LCN10: variants seen among roughly 807,000 people sequenced by gnomAD.
The protein encoded by LCN10 is lipocalin 10, also known as epididymal-specific lipocalin-10.
A neutral mutation model predicts 25.1 loss-of-function variants in LCN10; 18 were observed. The observed-to-expected ratio is 0.72, with a 90% CI of 0.50 to 1.06. The LOEUF (loss-of-function observed/expected upper bound fraction) is 1.06, where lower values mean the gene tolerates loss of function less well. LCN10 is among the 50% of genes least tolerant of loss of function. LCN10 has a pLI of 0.00. For missense variants in LCN10, 257 were observed against 258.9 expected, an observed-to-expected ratio of 0.99 and a Z score of 0.05; for synonymous variants, 130 against 116.7, an observed-to-expected ratio of 1.11 and a Z score of -0.73.
chr9:136,739,819 A>C lies in LCN10; in HGVS notation c.574+131T>G. On this transcript the variant is annotated intron_variant, in intron 5 of 5. Coordinates refer to ENST00000497771, the MANE Select transcript of LCN10 (RefSeq NM_001001712.3). This position sits in a 1 kb window ranked among gnomAD's most constrained non-coding sequence, Gnocchi z 6.1. ...TCAGGGGCGGCAGGAGGTGGGAGGC[A>C]CGTTTGGGCGGATCTTTCAAATGGC... is the stretch of plus-strand genomic sequence containing the variant. 2.3e-6 allele frequency: 2 copies of C among 882,968 alleles called. No individual in the cohort carries two copies. The highest frequency in any genetic ancestry group is 3.7e-6 in the Non-Finnish European group (2 of 544,138). 54.7% of individuals were successfully genotyped at this position (882,968 alleles called of 1,614,324 possible).
rs552859925 is a variant in LCN10 at position 136,738,920 on chromosome 9, T to C, written c.*605A>G. Reference sequence around the variant, plus strand: ...GCTGTTGTGGGGCCCTGGCCGCGCCTAGATACACTTCTAGGGTCTATACTC... The same window carrying C: ...GCTGTTGTGGGGCCCTGGCCGCGCCCAGATACACTTCTAGGGTCTATACTC... On this transcript the variant is annotated 3_prime_UTR_variant, in exon 6 of 6. Coordinates refer to ENST00000497771, the MANE Select transcript of LCN10 (RefSeq NM_001001712.3). The C allele has an allele frequency of 6.5e-6, 1 of 153,676 alleles. No homozygotes were observed. The highest frequency in any genetic ancestry group is 6.4e-5 in the Admixed American group (1 of 15,542). The allele number at this position is 153,676 out of a possible 1,614,324, so 9.5% of individuals were successfully genotyped here. A position where few individuals can be genotyped will look rare whatever the true frequency, so the allele number is the denominator to read the frequency against.
rs557138647 is a variant in LCN10, at chr9:136,738,574, A to G, written c.*951T>C. ...TTCAGTTGGGGGGTTCATCTCAGAC[A>G]ACCTCCCGTCATCACCCCTTGAGTG... On this transcript the variant is annotated 3_prime_UTR_variant, in exon 6 of 6. Coordinates refer to ENST00000497771, the MANE Select transcript of LCN10 (RefSeq NM_001001712.3). 2.6e-5 allele frequency: 4 copies of G among 152,148 alleles called. No individual in the cohort carries two copies. Among genetic ancestry groups the G allele is most frequent in the African/African-American group, 9.6e-5 (4 of 41,484 alleles). 9.4% of individuals were successfully genotyped at this position (152,148 alleles called of 1,614,324 possible).
Position 136,740,880 on chromosome 9 carries a change from C to A in LCN10, c.431G>T (p.Arg144Leu), listed in dbSNP as rs116837130. Residue 144 changes from arginine (R) to leucine (L), a missense_variant, in exon 4 of 6, where the codon CGC (arginine) becomes CTC (leucine). Coordinates refer to ENST00000497771, the MANE Select transcript of LCN10 (RefSeq NM_001001712.3). The surrounding 1 kb of genome is among the most constrained non-coding windows in gnomAD (Gnocchi z 5.3). The stretch of plus-strand genomic sequence containing the variant: ...GTAGTTTTGGGTTGCACGCCCCAGG[C>A]GGAGGTAGACCAAGCCGTAGCTGTA... Reference protein sequence around the residue: ...TDYSYGLVYLRLGRATQNYKN... With the variant: ...TDYSYGLVYLLLGRATQNYKN... The A allele has an allele frequency of 6.2e-7, 1 of 1,613,542 alleles. No homozygotes were observed. Among genetic ancestry groups the A allele is most frequent in the Non-Finnish European group, 8.5e-7 (1 of 1,179,836 alleles).
rs1564321056 is a variant in LCN10 at position 136,739,651 on chromosome 9, T to C, written c.575-98A>G. 6.0e-6 allele frequency: 7 copies of C among 1,172,888 alleles called. No homozygotes were observed. In the East Asian group the frequency reaches 1.8e-4, roughly 30 times the overall value. 72.7% of individuals were successfully genotyped at this position (1,172,888 alleles called of 1,614,324 possible). On this transcript the variant is annotated intron_variant, in intron 5 of 5. Coordinates refer to ENST00000497771, the MANE Select transcript of LCN10 (RefSeq NM_001001712.3). The surrounding 1 kb of genome is among the most constrained non-coding windows in gnomAD (Gnocchi z 6.1). Reference sequence around the variant, plus strand: ...CCCGGCCGCTCCCTGGTTCCATGCGTGCTCGTCTTGGGCACCACGAGAACA... The same window carrying C: ...CCCGGCCGCTCCCTGGTTCCATGCGCGCTCGTCTTGGGCACCACGAGAACA...
chr9:136,741,460 T>C (rs1846932369), intron 2 of LCN10, 99 bp from the exon 3 acceptor site: 2 of 977,322 alleles, frequency 2.0e-6, no homozygotes, highest in Admixed American at 2.1e-5. Flanking sequence ...CCGCCCCTGC[T>C]CCCGTGGGAC....
At chr9:136,742,672 C>G in intron 1 of LCN10, 115 bp downstream of exon 1, 1 of 1,315,072 alleles carries the variant, frequency 7.6e-7, no homozygotes, top group Non-Finnish European at 1.0e-6. Context: ...GGGCAGCGCC[C>G]GTGCCTGGAA....
chr9:136,742,744 C>T (rs999261463), intron 1 of LCN10, 43 bp downstream of exon 1: 4 of 1,608,532 alleles, frequency 2.5e-6, no homozygotes, highest in Non-Finnish European at 8.5e-7. Flanking sequence ...GCTCCAGCTC[C>T]AGAGCCGGCG....
chr9:136,740,199 T>G lies in LCN10; in HGVS notation c.476-151A>C. ...TTGGCCAGGGGAGGACAGCGGCCGC[T>G]GGGCCCCTCCCCACTTACGAGGCAG... On this transcript the variant is annotated intron_variant, in intron 4 of 5. Transcript: ENST00000497771. The surrounding 1 kb of genome is among the most constrained non-coding windows in gnomAD (Gnocchi z 5.3). 1.5e-6 allele frequency: 1 copy of G among 656,458 alleles called. No individual in the cohort carries two copies. Among genetic ancestry groups the G allele is most frequent in the Non-Finnish European group, 2.8e-6 (1 of 360,464 alleles). 40.7% of individuals were successfully genotyped at this position (656,458 alleles called of 1,614,324 possible).
At position 136,739,950 on chromosome 9, in the gene LCN10, C is replaced by G. The variant is rs148019825; in HGVS notation, c.574G>C (p.Ala192Pro). ...GCAAAGGGCTGAGGGCACAGCTTAC[C>G]GTCTTTCGGGAGGATGACGGCGGCC... ...SKAAVILPKD[A>P]SRTHTILP The change falls in exon 5 of 6, where the codon GCG becomes CCG. Residue 192 changes from alanine (A) to proline (P), a missense_variant and splice_region_variant. By Grantham distance (27) the Ala-to-Pro change is conservative (BLOSUM62 -1). Transcript: ENST00000497771. The surrounding 1 kb of genome is among the most constrained non-coding windows in gnomAD (Gnocchi z 6.1). The G allele has an allele frequency of 7.0e-6, 11 of 1,582,680 alleles. No homozygotes were observed. Among genetic ancestry groups the G allele is most frequent in the Middle Eastern group, 1.7e-4 (1 of 6,034 alleles).
In LCN10 at chr9:136,740,856, T is replaced by C. The variant is rs1273485124; in HGVS notation, c.455A>G (p.Tyr152Cys). The change falls in exon 4 of 6, where the codon TAC becomes TGC. Residue 152 changes from tyrosine to cysteine, a missense_variant. Physicochemically the swap from Tyr to Cys is radical, Grantham distance 194. Coordinates refer to ENST00000497771, the MANE Select transcript of LCN10 (RefSeq NM_001001712.3). This position sits in a 1 kb window ranked among gnomAD's most constrained non-coding sequence, Gnocchi z 5.3. ...YLRLGRATQN[Y>C]KNLLLFHRQN... Reference sequence around the variant, plus strand: ...CTCACGGAAGAGCAGCAGGTTCTTGTAGTTTTGGGTTGCACGCCCCAGGCG... The same window carrying C: ...CTCACGGAAGAGCAGCAGGTTCTTGCAGTTTTGGGTTGCACGCCCCAGGCG... 1.9e-6 allele frequency: 3 copies of C among 1,613,080 alleles called. No individual in the cohort carries two copies. The highest frequency in any genetic ancestry group is 2.5e-6 in the Non-Finnish European group (3 of 1,179,698).
In LCN10 at chr9:136,740,655, A is replaced by T; in HGVS notation, c.475+181T>A. 1 of 571,864 alleles carries T rather than the reference A, an allele frequency of 1.7e-6. No homozygotes were observed. Among genetic ancestry groups the T allele is most frequent in the Non-Finnish European group, 3.1e-6 (1 of 321,910 alleles). The allele number at this position is 571,864 out of a possible 1,614,324, so 35.4% of individuals were successfully genotyped here. On this transcript the variant is annotated intron_variant, in intron 4 of 5. Transcript: ENST00000497771. The surrounding 1 kb of genome is among the most constrained non-coding windows in gnomAD (Gnocchi z 5.3). ...TCCTGACGTCCCCTATCCTTGCTTC[A>T]GCGACCTCCAGGACCTGACTGCTGT... is the stretch of plus-strand genomic sequence containing the variant.
At position 136,739,749 on chromosome 9, in the gene LCN10, G is replaced by A. The variant is rs559376581; in HGVS notation, c.575-196C>T. On this transcript the variant is annotated intron_variant, in intron 5 of 5. Transcript: ENST00000497771. This position sits in a 1 kb window ranked among gnomAD's most constrained non-coding sequence, Gnocchi z 6.1. ...GTCGGATGCAGCATCTGCTCCGGAC[G>A]CCTCTCGCTGTCGGTGCCAGGCCTG... 1.1e-3 allele frequency: 829 copies of A among 728,978 alleles called. 1 individual carries two copies. The highest frequency in any genetic ancestry group is 1.5e-3 in the Non-Finnish European group (647 of 421,628). 45.2% of individuals were successfully genotyped at this position (728,978 alleles called of 1,614,324 possible).
At chr9:136,741,399 A>G (rs1326176089) in intron 2 of LCN10, 38 bp from the exon 3 acceptor site, 2 of 1,486,660 alleles carry the variant, frequency 1.3e-6, no homozygotes, top group Admixed American at 3.4e-5. Context: ...CAGACCAGGG[A>G]ACCCCTCCTC....
chr9:136,738,675 C>G lies in LCN10; in HGVS notation c.*850G>C, dbSNP rs902007392. On this transcript the variant is annotated 3_prime_UTR_variant, in exon 6 of 6. Transcript: ENST00000497771. ...CCTCCTGCTCCTCTGTGGCTCTCCC[C>G]GCCGCCATTCTGATACTGGCGTCCC... The G allele has an allele frequency of 6.6e-6, 1 of 152,318 alleles. No homozygotes were observed. Among genetic ancestry groups the G allele is most frequent in the African/African-American group, 2.4e-5 (1 of 41,438 alleles). The allele number at this position is 152,318 out of a possible 1,614,324, so 9.4% of individuals were successfully genotyped here.
In LCN10 at chr9:136,742,828, C is replaced by T. The variant is rs1588298965; in HGVS notation, c.76G>A (p.Glu26Lys). 1 of 1,613,600 alleles carries T rather than the reference C, an allele frequency of 6.2e-7. No homozygotes were observed. Among genetic ancestry groups the T allele is most frequent in the Non-Finnish European group, 8.5e-7 (1 of 1,179,824 alleles). Residue 26 changes from glutamate (E) to lysine (K), a missense_variant, in exon 1 of 6, where the codon GAG (glutamate) becomes AAG (lysine). Glu to Lys is a moderately conservative substitution (Grantham distance 56). Coordinates refer to ENST00000497771, the MANE Select transcript of LCN10 (RefSeq NM_001001712.3). ...LVLAAGSQVQ[E>K]WYPRESHALN... ...GCGTGGGACTCCCTGGGGTACCACT[C>T]CTGCACCTGGGACCCTGCAGCCAGC...
Position 136,740,907 on chromosome 9 carries a change from T to A in LCN10, c.404A>T (p.Asp135Val). The change falls in exon 4 of 6, where the codon GAC becomes GTC. Residue 135 changes from aspartate (D) to valine (V), a missense_variant. Physicochemically the swap from Asp to Val is radical, Grantham distance 152. Transcript: ENST00000497771. This position sits in a 1 kb window ranked among gnomAD's most constrained non-coding sequence, Gnocchi z 5.3. ...GAGGTAGACCAAGCCGTAGCTGTAG[T>A]CAGTGGACAGCACGTGGAAGGCCTT... Reference protein sequence around the residue: ...GVKAFHVLSTDYSYGLVYLRL... With the variant: ...GVKAFHVLSTVYSYGLVYLRL... 6.2e-7 allele frequency: 1 copy of A among 1,613,838 alleles called. No homozygotes were observed. The highest frequency in any genetic ancestry group is 8.5e-7 in the Non-Finnish European group (1 of 1,179,846).
rs1846890896 is a variant in LCN10 at position 136,739,610 on chromosome 9, C to T, written c.575-57G>A. The T allele has an allele frequency of 5.3e-6, 8 of 1,523,748 alleles. No individual in the cohort carries two copies. Among genetic ancestry groups the T allele is most frequent in the Admixed American group, 1.9e-5 (1 of 52,766 alleles). The allele number at this position is 1,523,748 out of a possible 1,614,324, so 94.4% of individuals were successfully genotyped here. ...TGGCTGCTTGGAGGAGACACATGAGCCGTGAACACGTCTCCCCCGGCCGCT... is the reference window on the plus strand; with the variant it reads ...TGGCTGCTTGGAGGAGACACATGAGTCGTGAACACGTCTCCCCCGGCCGCT... On this transcript the variant is annotated intron_variant, in intron 5 of 5. Transcript: ENST00000497771. The surrounding 1 kb of genome is among the most constrained non-coding windows in gnomAD (Gnocchi z 6.1).
At chr9:136,742,570 C>G in intron 1 of LCN10, 1 of 601,894 alleles carries the variant, frequency 1.7e-6, no homozygotes, top group Non-Finnish European at 2.9e-6. Context: ...TCCCTGACCC[C>G]CCTGGGCCCC....
chr9:136,740,099 G>T lies in LCN10; in HGVS notation c.476-51C>A. 1 of 1,249,526 alleles carries T rather than the reference G, an allele frequency of 8.0e-7. No individual in the cohort carries two copies. The highest frequency in any genetic ancestry group is 1.1e-6 in the Non-Finnish European group (1 of 871,176). 77.4% of individuals were successfully genotyped at this position (1,249,526 alleles called of 1,614,324 possible). A position where few individuals can be genotyped will look rare whatever the true frequency, so the allele number is the denominator to read the frequency against. ...AGAGACTCCAGCTCTGGCCATTTTAGGGTCTGCACCCTGACCCCCATCCCT... is the reference window on the plus strand; with the variant it reads ...AGAGACTCCAGCTCTGGCCATTTTATGGTCTGCACCCTGACCCCCATCCCT... On this transcript the variant is annotated intron_variant, in intron 4 of 5. Coordinates refer to ENST00000497771, the MANE Select transcript of LCN10 (RefSeq NM_001001712.3). The surrounding 1 kb of genome is among the most constrained non-coding windows in gnomAD (Gnocchi z 5.3).
Sources: allele counts gnomAD v4.1 joint callset, GRCh38; gene constraint gnomAD v4.1.1; non-coding constraint Gnocchi (gnomAD v3.1); transcripts MANE v1.5; gene names NCBI Gene and HGNC (gene_info 2026-07-23, HGNC 2026-07-21).